The following SYN2 variants were observed in gnomAD, a reference collection of about 807,000 sequenced individuals.
SYN2 encodes synapsin II, also known as synapsin-2.
Under a neutral mutation model 50.9 loss-of-function variants are expected in SYN2, and 19 were observed. That is an observed-to-expected ratio of 0.37 (90% CI 0.26 to 0.55). SYN2 has a LOEUF of 0.55. Ranked by LOEUF, SYN2 falls within the 20% of genes least tolerant of loss-of-function variation. The pLI is 0.81. For synonymous variants in SYN2, 255 were observed against 224.9 expected (o/e 1.13, Z -1.20); for missense variants, 587 against 576.4 (o/e 1.02, Z -0.19).
In SYN2 at chr3:12,168,029, G is replaced by A. The variant is rs557770369; in HGVS notation, c.1056-347G>A. Among the ~76,000 whole-genome samples the A allele has an allele frequency of 1.5e-4, 23 of 152,294 alleles. 2 individuals carry two copies. Among genetic ancestry groups the A allele is most frequent in the African/African-American group, 5.5e-4 (23 of 41,552 alleles). On this transcript the variant is annotated intron_variant, in intron 8 of 12. Transcript: ENST00000621198. The stretch of plus-strand genomic sequence containing the variant: ...AGTACCTGGTGGAAGAAGTTTCTAA[G>A]CAGCAAGTGGTCAAGAAGTAGCATG...
intron 1 of SYN2, among the ~76,000 whole-genome samples, chr3:12,087,407 A>G (rs562599994): frequency 2.0e-5 from 3 of 152,286 alleles, no homozygotes; most frequent in African/African-American, 7.2e-5. Context: ...ATCTAAAGCA[A>G]TCCTGAGCAA....
chr3:12,071,388 A>G, intron 1 of SYN2: 1 of 551,522 alleles, frequency 1.8e-6, no homozygotes, highest in African/African-American at 1.9e-5. Context: ...GATGTGTAGC[A>G]TTTGCTGCAT....
intron 1 of SYN2, among the ~76,000 whole-genome samples, chr3:12,080,436 A>G (rs2125173733): frequency 6.6e-6 from 1 of 152,080 alleles, no homozygotes; most frequent in East Asian, 1.9e-4. Context: ...TGATGTGGGC[A>G]TTAATGCTAT....
intron 5 of SYN2, chr3:12,154,278 A>G (rs776445725): frequency 6.2e-7 from 1 of 1,613,104 alleles, no homozygotes; most frequent in Admixed American, 1.7e-5. Context: ...ATGAAGGCTC[A>G]GAACCCTTCC....
At chr3:12,028,274 A>T (rs1000371484) in intron 1 of SYN2, among the ~76,000 whole-genome samples, 1 of 151,970 alleles carries the variant, frequency 6.6e-6, no homozygotes, top group Non-Finnish European at 1.5e-5. Context: ...CCAGTCTATC[A>T]TCGTTGGACA....
intron 11 of SYN2, chr3:12,185,557 A>G: frequency 1.0e-6 from 1 of 985,882 alleles, no homozygotes; most frequent in Non-Finnish European, 1.2e-6. Context: ...GTGTCACAGT[A>G]TAGGATTGCC....
At chr3:12,091,992 A>G (rs1390311037) in intron 1 of SYN2, among the ~76,000 whole-genome samples, 5 of 152,258 alleles carry the variant, frequency 3.3e-5, no homozygotes, top group African/African-American at 1.2e-4. Context: ...TAAACTATCA[A>G]TGGAGGAAGA....
intron 1 of SYN2, among the ~76,000 whole-genome samples, chr3:12,012,732 A>G (rs552215397): frequency 3.9e-5 from 6 of 152,228 alleles, no homozygotes; most frequent in Non-Finnish European, 5.9e-5. Context: ...GGCATTGCCT[A>G]TTGTTGAAAA....
intron 1 of SYN2, among the ~76,000 whole-genome samples, chr3:12,078,088 T>C (rs1222840090): frequency 6.6e-6 from 1 of 152,194 alleles, no homozygotes; most frequent in East Asian, 1.9e-4. Flanking sequence ...GAGCTTTTTT[T>C]CATGTTTGCT....
intron 1 of SYN2, among the ~76,000 whole-genome samples, chr3:12,057,606 A>G (rs747433968): frequency 8.5e-5 from 13 of 152,110 alleles, no homozygotes; most frequent in Non-Finnish European, 1.8e-4. Context: ...GATTTTAGAA[A>G]GTTGGCTTTA....
chr3:12,158,381 A>G (rs57368176), intron 5 of SYN2, among the ~76,000 whole-genome samples: 7,314 of 152,210 alleles, frequency 0.048, 624 homozygotes, highest in African/African-American at 0.17. Flanking sequence ...TTCTGTCCCC[A>G]GTCTAGTAGT....
chr3:12,158,716 C>T lies in SYN2; in HGVS notation c.775-2830C>T, dbSNP rs1045985695. ...CTCGGACTCACCAAGTGCCGAGTGG[C>T]AGATGTGCTGCTGAGGGTGCGCCGG... On this transcript the variant is annotated intron_variant, in intron 5 of 12. Transcript: ENST00000621198. 11 of 1,610,190 alleles carry T rather than the reference C, an allele frequency of 6.8e-6. No homozygotes were observed. Among genetic ancestry groups the T allele is most frequent in the Admixed American group, 1.7e-5 (1 of 59,980 alleles).
At chr3:12,038,425 T>G (rs1379835810) in intron 1 of SYN2, among the ~76,000 whole-genome samples, 1 of 152,190 alleles carries the variant, frequency 6.6e-6, no homozygotes, top group Non-Finnish European at 1.5e-5. Context: ...TGAATTGCCA[T>G]ATGGATTTTA....
At chr3:12,095,036 A>G (rs1448055171) in intron 1 of SYN2, among the ~76,000 whole-genome samples, 1 of 152,154 alleles carries the variant, frequency 6.6e-6, no homozygotes. Flanking sequence ...AGAAAAGGCA[A>G]AGTAAGATGG....
At chr3:12,149,591 C>T (rs1213067111) in intron 4 of SYN2, among the ~76,000 whole-genome samples, 1 of 152,166 alleles carries the variant, frequency 6.6e-6, no homozygotes, top group African/African-American at 2.4e-5. Flanking sequence ...GCTCTCCAGC[C>T]TCAATCTCAA....
chr3:12,185,004 T>C, intron 11 of SYN2: 2 of 985,858 alleles, frequency 2.0e-6, no homozygotes, highest in Non-Finnish European at 2.4e-6. Flanking sequence ...AAGAGTTACG[T>C]ATCCAGGGGC....
At chr3:12,125,513 G>A (rs1173065713) in intron 1 of SYN2, among the ~76,000 whole-genome samples, 1 of 152,132 alleles carries the variant, frequency 6.6e-6, no homozygotes, top group African/African-American at 2.4e-5. Flanking sequence ...TCCAATACTT[G>A]CTGCTTTATT....
At chr3:12,142,077 C>T (rs1438250280) in intron 3 of SYN2, 81 bp downstream of exon 3, 20 of 759,814 alleles carry the variant, frequency 2.6e-5, no homozygotes, top group Non-Finnish European at 4.9e-5. Flanking sequence ...GTTTCTAAGT[C>T]AGGTGTTGGA....
At chr3:12,060,490 G>A (rs1695091391) in intron 1 of SYN2, among the ~76,000 whole-genome samples, 1 of 152,162 alleles carries the variant, frequency 6.6e-6, no homozygotes, top group African/African-American at 2.4e-5. Context: ...TACTCGTGAA[G>A]GTGACAGGCC....
Sources: gnomAD v4.1 joint callset for allele counts (sites outside exome capture counted in the v4.1 genomes callset) on GRCh38, gnomAD v4.1.1 for gene constraint, MANE v1.5 for transcripts, NCBI Gene and HGNC (gene_info 2026-07-23, HGNC 2026-07-21) for gene names.